CAMK1D: variants seen among roughly 807,000 people sequenced by gnomAD.
CAMK1D encodes the protein calcium/calmodulin-dependent protein kinase type 1D.
Under a neutral mutation model 47.7 loss-of-function variants are expected in CAMK1D, and 9 were observed. The ratio of observed to expected loss-of-function variants is 0.19; its 90% CI spans 0.11 to 0.33. The LOEUF is 0.33. Among genes scored for constraint, CAMK1D ranks in the 10% least tolerant of loss-of-function variants. The pLI, the probability that CAMK1D is intolerant of heterozygous loss-of-function variation, is 1.00. For synonymous variants in CAMK1D, 184 were observed against 184.9 expected (o/e 0.99, Z 0.04); for missense variants, 291 against 488.7 (o/e 0.60, Z 3.81).
chr10:12,634,883 T>C (rs1377248432), intron 2 of CAMK1D, among the ~76,000 whole-genome samples: 1 of 152,130 alleles, frequency 6.6e-6, no homozygotes, highest in Non-Finnish European at 1.5e-5. Context: ...TCTGCCCATG[T>C]TCAGTGGGAC....
chr10:12,493,265 G>A (rs951357996), intron 1 of CAMK1D, among the ~76,000 whole-genome samples: 5 of 152,188 alleles, frequency 3.3e-5, no homozygotes, highest in Non-Finnish European at 7.3e-5. Flanking sequence ...GCAGACTGAA[G>A]TGTGAGACTG....
chr10:12,683,088 ATTTTTT>A (rs63493960), intron 3 of CAMK1D, among the ~76,000 whole-genome samples: 1 of 134,892 alleles, frequency 7.4e-6, no homozygotes, highest in Non-Finnish European at 1.6e-5. Context: ...CACCCAGCTA[ATTTTTT>A]TTTTTTTTTT....
At chr10:12,760,063 T>C (rs1364018804) in intron 3 of CAMK1D, among the ~76,000 whole-genome samples, 4 of 152,196 alleles carry the variant, frequency 2.6e-5, no homozygotes, top group African/African-American at 9.6e-5. Flanking sequence ...GATGGCTTAA[T>C]GATTTGAGAT....
rs1257984465 is a variant in CAMK1D at position 12,441,402 on chromosome 10, G to A, written c.92+91492G>A. 2.6e-5 allele frequency among the ~76,000 whole-genome samples: 4 copies of A among 151,842 alleles called. No individual in the cohort carries two copies. In the East Asian group the frequency reaches 7.8e-4, roughly 30 times the overall value. Reference sequence around the variant, plus strand: ...TTTAGAGATGGGTTTTCACCATCTTGCCCAGGCTGGTCTTGAACTCCTGGG... The same window carrying A: ...TTTAGAGATGGGTTTTCACCATCTTACCCAGGCTGGTCTTGAACTCCTGGG... On this transcript the variant is annotated intron_variant, in intron 1 of 10. Coordinates refer to ENST00000619168, the MANE Select transcript of CAMK1D (RefSeq NM_153498.4).
chr10:12,694,156 T>A (rs1339686403), intron 3 of CAMK1D, among the ~76,000 whole-genome samples: 2 of 59,426 alleles, frequency 3.4e-5, no homozygotes, highest in African/African-American at 1.4e-4. Flanking sequence ...ATATATAATA[T>A]ATATTATGCA....
rs1833410562 is a variant in CAMK1D, at chr10:12,831,008, G to T, written c.*2121G>T. 6.6e-6 allele frequency: 1 copy of T among 151,090 alleles called. No individual in the cohort carries two copies. 9.4% of individuals were successfully genotyped at this position (151,090 alleles called of 1,614,324 possible). A position where few individuals can be genotyped will look rare whatever the true frequency, so the allele number is the denominator to read the frequency against. Reference sequence around the variant, plus strand: ...AGCTCCATCCTGCTCCCTGAGAATGGCAGTGCAGGCACAGAGAAGAGCAGT... The same window carrying T: ...AGCTCCATCCTGCTCCCTGAGAATGTCAGTGCAGGCACAGAGAAGAGCAGT... On this transcript the variant is annotated 3_prime_UTR_variant, in exon 11 of 11. Coordinates refer to ENST00000619168, the MANE Select transcript of CAMK1D (RefSeq NM_153498.4).
chr10:12,722,076 C>G (rs903749553), intron 3 of CAMK1D, among the ~76,000 whole-genome samples: 1 of 152,126 alleles, frequency 6.6e-6, no homozygotes, highest in African/African-American at 2.4e-5. Flanking sequence ...ACAGGCCCCC[C>G]ATTCCTAACA....
intron 2 of CAMK1D, among the ~76,000 whole-genome samples, chr10:12,575,951 A>G (rs1435258577): frequency 6.6e-6 from 1 of 152,230 alleles, no homozygotes; most frequent in East Asian, 1.9e-4. Flanking sequence ...ATAATGAAAG[A>G]GCTCAGATTT....
At chr10:12,812,072 T>C (rs1832628107) in intron 6 of CAMK1D, among the ~76,000 whole-genome samples, 1 of 152,258 alleles carries the variant, frequency 6.6e-6, no homozygotes, top group Admixed American at 6.5e-5. Flanking sequence ...AAAAATGTCA[T>C]CAGGCACGCC....
chr10:12,785,452 A>G (rs4750260), intron 5 of CAMK1D, among the ~76,000 whole-genome samples: 10 of 152,176 alleles, frequency 6.6e-5, no homozygotes, highest in Admixed American at 1.3e-4. Flanking sequence ...AGGTTCCCCA[A>G]TCACACGTGA....
At chr10:12,637,550 A>G (rs1292352944) in intron 2 of CAMK1D, among the ~76,000 whole-genome samples, 1 of 149,648 alleles carries the variant, frequency 6.7e-6, no homozygotes, top group East Asian at 2.0e-4. Context: ...AGAAATGCCA[A>G]ATATTTCCCA....
intron 1 of CAMK1D, among the ~76,000 whole-genome samples, chr10:12,510,907 C>T (rs901750341): frequency 2.0e-5 from 3 of 152,150 alleles, no homozygotes; most frequent in African/African-American, 7.2e-5. Context: ...TTCTTCAAGG[C>T]GGTCCCTGCT....
chr10:12,798,572 C>T (rs967281877), intron 6 of CAMK1D, among the ~76,000 whole-genome samples: 1 of 152,140 alleles, frequency 6.6e-6, no homozygotes, highest in African/African-American at 2.4e-5. Context: ...TGAGAATCTG[C>T]CAGGAGAGAG....
chr10:12,616,895 A>G (rs979780453), intron 2 of CAMK1D, among the ~76,000 whole-genome samples: 5 of 152,126 alleles, frequency 3.3e-5, no homozygotes, highest in Non-Finnish European at 7.3e-5. Flanking sequence ...GAGTCCATAC[A>G]TTATAACTGT....
chr10:12,438,633 A>G (rs1035168533), intron 1 of CAMK1D, among the ~76,000 whole-genome samples: 1 of 152,180 alleles, frequency 6.6e-6, no homozygotes, highest in Non-Finnish European at 1.5e-5. Context: ...GAAGTTTGCA[A>G]CGACTGCTGA....
At position 12,370,576 on chromosome 10, in the gene CAMK1D, G is replaced by A. The variant is rs554951808; in HGVS notation, c.92+20666G>A. The stretch of plus-strand genomic sequence containing the variant: ...GGAAGACGGTGATATTGATGATCCC[G>A]ATCCTGTGTTGAACTACGCTAATGT... On this transcript the variant is annotated intron_variant, in intron 1 of 10. Transcript: ENST00000619168. 9.9e-5 allele frequency among the ~76,000 whole-genome samples: 15 copies of A among 152,160 alleles called. No individual in the cohort carries two copies. In the East Asian group the frequency reaches 2.7e-3, roughly 27 times the overall value.
At chr10:12,601,206 T>G (rs1838293810) in intron 2 of CAMK1D, among the ~76,000 whole-genome samples, 1 of 151,650 alleles carries the variant, frequency 6.6e-6, no homozygotes, top group South Asian at 2.1e-4. Flanking sequence ...TTTTTTTTTT[T>G]TTTGCTCAGA....
chr10:12,569,349 T>C (rs968803780), intron 2 of CAMK1D, among the ~76,000 whole-genome samples: 1 of 152,188 alleles, frequency 6.6e-6, no homozygotes, highest in African/African-American at 2.4e-5. Flanking sequence ...CAGAAAATCT[T>C]GTTATTTCGA....
chr10:12,539,747 G>T (rs191865174), intron 1 of CAMK1D, among the ~76,000 whole-genome samples: 4 of 152,314 alleles, frequency 2.6e-5, no homozygotes, highest in Non-Finnish European at 2.9e-5. Flanking sequence ...ATGAACAAAG[G>T]GGGTATCCTG....
Sources: allele counts gnomAD v4.1 joint callset (sites outside exome capture counted in the v4.1 genomes callset), GRCh38; gene constraint gnomAD v4.1.1; transcripts MANE v1.5; gene names NCBI Gene and HGNC (gene_info 2026-07-23, HGNC 2026-07-21).